The following PPTC7 variants were observed in gnomAD, a reference collection of about 807,000 sequenced individuals.
PPTC7 encodes the protein protein phosphatase PTC7 homolog.
In PPTC7, 6 loss-of-function variants were observed where a neutral mutation model predicts 30.8. The ratio of observed to expected loss-of-function variants is 0.19; its 90% CI spans 0.11 to 0.38. The LOEUF is 0.38. PPTC7 is among the 10% of genes least tolerant of loss of function. The pLI is 1.00. For missense variants in PPTC7, 218 were observed against 404.8 expected, an observed-to-expected ratio of 0.54 and a Z score of 3.96; for synonymous variants, 163 against 168.1, an observed-to-expected ratio of 0.97 and a Z score of 0.23.
chr12:110,552,179 G>A (rs1593151185), intron 1 of PPTC7, among the ~76,000 whole-genome samples: 1 of 152,136 alleles, frequency 6.6e-6, no homozygotes, highest in South Asian at 2.1e-4. Flanking sequence ...TTCATATATT[G>A]ATGAATAAAC....
rs528219744 is a variant in PPTC7, at chr12:110,566,021, T to G, written c.224-14053A>C. Among the ~76,000 whole-genome samples, 36 of 152,258 alleles carry G rather than the reference T, an allele frequency of 2.4e-4. 1 individual carries two copies. In the South Asian group the frequency reaches 7.0e-3, roughly 30 times the overall value. ...CAATTCCCTAGGATTCTGACTTACATGAATAAAGTACAAGTCATAGCAGGT... is the reference window on the plus strand; with the variant it reads ...CAATTCCCTAGGATTCTGACTTACAGGAATAAAGTACAAGTCATAGCAGGT... On this transcript the variant is annotated intron_variant, in intron 1 of 5. Transcript: ENST00000354300.
chr12:110,557,147 T>C (rs1436376130), intron 1 of PPTC7, among the ~76,000 whole-genome samples: 1 of 152,246 alleles, frequency 6.6e-6, no homozygotes, highest in African/African-American at 2.4e-5. Flanking sequence ...TGGGAGCCAC[T>C]AGCCACATGT....
intron 1 of PPTC7, 100 bp downstream of exon 1, chr12:110,582,709 G>A: frequency 9.5e-7 from 1 of 1,050,256 alleles, no homozygotes; most frequent in Non-Finnish European, 1.4e-6. Context: ...TGAGCGCTCT[G>A]GCTCCTTTCG....
At chr12:110,544,547 C>A (rs1367567277) in intron 3 of PPTC7, among the ~76,000 whole-genome samples, 5 of 152,176 alleles carry the variant, frequency 3.3e-5, no homozygotes, top group Non-Finnish European at 7.4e-5. Flanking sequence ...AAAAAAAGCA[C>A]CATTTTGGCT....
At chr12:110,555,067 A>G (rs999735638) in intron 1 of PPTC7, among the ~76,000 whole-genome samples, 4 of 152,218 alleles carry the variant, frequency 2.6e-5, no homozygotes, top group Non-Finnish European at 5.9e-5. Context: ...TGTATTTGGT[A>G]CAAAAGTAGC....
At chr12:110,541,770 CTG>C (rs915015991) in intron 3 of PPTC7, among the ~76,000 whole-genome samples, 5 of 151,524 alleles carry the variant, frequency 3.3e-5, no homozygotes, top group African/African-American at 7.3e-5. Flanking sequence ...AGTAAGGACT[CTG>C]TGTCTCCCAA....
chr12:110,537,573 G>C (rs1388837955), intron 5 of PPTC7, among the ~76,000 whole-genome samples: 1 of 152,166 alleles, frequency 6.6e-6, no homozygotes, highest in Non-Finnish European at 1.5e-5. Context: ...ATACCAACAA[G>C]AAACTAATTC....
chr12:110,574,176 T>TAAAAAAAAAAAAAAAAAAAAAAAA (rs1167486526), intron 1 of PPTC7, among the ~76,000 whole-genome samples: 1 of 89,426 alleles, frequency 1.1e-5, no homozygotes, highest in African/African-American at 4.0e-5. Context: ...AAAAAAAAAT[T>TAAAAAAAAAAAAAAAAAAAAAAAA]AAAAGCATTA....
In PPTC7 at chr12:110,536,029, A is replaced by T. The variant is rs2064216078; in HGVS notation, c.*1008T>A. ...CACATGGACTCACTGGATTTGGTGC[A>T]TGCTCTATAGAAAGCAAGGCTACTA... On this transcript the variant is annotated 3_prime_UTR_variant, in exon 6 of 6. Transcript: ENST00000354300. 1 of 152,526 alleles carries T rather than the reference A, an allele frequency of 6.6e-6. No homozygotes were observed. The highest frequency in any genetic ancestry group is 2.4e-5 in the African/African-American group (1 of 41,470). 9.4% of individuals were successfully genotyped at this position (152,526 alleles called of 1,614,324 possible).
intron 1 of PPTC7, among the ~76,000 whole-genome samples, chr12:110,574,141 TAAAAAAAAAAAAAAAA>T (rs58133391): frequency 1.0e-3 from 39 of 37,454 alleles, no homozygotes; most frequent in Non-Finnish European, 1.5e-3. Context: ...CCACAATAAT[TAAAAAAAAAAAAAAAA>T]AAAAAAAAAA....
intron 2 of PPTC7, among the ~76,000 whole-genome samples, chr12:110,548,311 T>C (rs1227944003): frequency 1.3e-5 from 2 of 152,224 alleles, no homozygotes; most frequent in Non-Finnish European, 2.9e-5. Context: ...ATTAATTTTG[T>C]CCTAACAAAG....
rs538792346 is a variant in PPTC7 at position 110,576,838 on chromosome 12, C to T, written c.223+5971G>A. On this transcript the variant is annotated intron_variant, in intron 1 of 5. Transcript: ENST00000354300. ...ACTGTACACTTTAAAAGGATACATG[C>T]TATGGAATGTGAATTATACATATCA... Among the ~76,000 whole-genome samples the T allele has an allele frequency of 1.1e-3, 166 of 152,224 alleles. 1 individual carries two copies. The South Asian group carries it at 0.012, about 11-fold the overall frequency.
rs1479012061 is a variant in PPTC7 at position 110,535,984 on chromosome 12, T to C, written c.*1053A>G. On this transcript the variant is annotated 3_prime_UTR_variant, in exon 6 of 6. Coordinates refer to ENST00000354300, the MANE Select transcript of PPTC7 (RefSeq NM_139283.2). Reference sequence around the variant, plus strand: ...TCATGGACGTCTGTGCTGCTGCCGCTGCGCACACAGTGCTCTCTCCACATG... The same window carrying C: ...TCATGGACGTCTGTGCTGCTGCCGCCGCGCACACAGTGCTCTCTCCACATG... 1 of 152,634 alleles carries C rather than the reference T, an allele frequency of 6.6e-6. No homozygotes were observed. The highest frequency in any genetic ancestry group is 6.5e-5 in the Admixed American group (1 of 15,292). 9.5% of individuals were successfully genotyped at this position (152,634 alleles called of 1,614,324 possible).
intron 1 of PPTC7, among the ~76,000 whole-genome samples, chr12:110,558,462 TC>T (rs2135779222): frequency 6.6e-6 from 1 of 152,366 alleles, no homozygotes; most frequent in African/African-American, 2.4e-5. Flanking sequence ...ATCTTATGTC[TC>T]CATTAATAAC....
At chr12:110,582,242 T>C (rs1015041213) in intron 1 of PPTC7, among the ~76,000 whole-genome samples, 1 of 152,204 alleles carries the variant, frequency 6.6e-6, no homozygotes, top group African/African-American at 2.4e-5. Flanking sequence ...TGAGGGTTTT[T>C]TCGCCAAGCC....
At chr12:110,538,069 C>T in intron 5 of PPTC7, 75 bp downstream of exon 5, 3 of 1,526,528 alleles carry the variant, frequency 2.0e-6, no homozygotes, top group Non-Finnish European at 8.9e-7. Flanking sequence ...CAGTCTCACC[C>T]AGAGCCCAGA....
rs558194600 is a variant in PPTC7 at position 110,582,789 on chromosome 12, G to A, written c.223+20C>T. 5.2e-6 allele frequency: 8 copies of A among 1,538,586 alleles called. No homozygotes were observed. Among genetic ancestry groups the A allele is most frequent in the South Asian group, 4.8e-5 (4 of 83,278 alleles). ...AGGCGGATCCGAGGCTGGGGCAAGG[G>A]AACCGGGTCGGGGACTCACCGAGCA... On this transcript the variant is annotated intron_variant, in intron 1 of 5. Transcript: ENST00000354300.
In PPTC7 at chr12:110,535,987, GCA is replaced by G. The variant is rs1193122730; in HGVS notation, c.*1048_*1049del. 1 of 152,544 alleles carries G rather than the reference GCA, an allele frequency of 6.6e-6. No individual in the cohort carries two copies. Among genetic ancestry groups the G allele is most frequent in the East Asian group, 1.9e-4 (1 of 5,200 alleles). The allele number at this position is 152,544 out of a possible 1,614,324, so 9.4% of individuals were successfully genotyped here. Reference sequence around the variant, plus strand: ...TGGACGTCTGTGCTGCTGCCGCTGCGCACACAGTGCTCTCTCCACATGGACTC... The same window carrying G: ...TGGACGTCTGTGCTGCTGCCGCTGCGCACAGTGCTCTCTCCACATGGACTC... On this transcript the variant is annotated 3_prime_UTR_variant, in exon 6 of 6. Coordinates refer to ENST00000354300, the MANE Select transcript of PPTC7 (RefSeq NM_139283.2).
rs137937061 is a variant in PPTC7, at chr12:110,564,081, G to A, written c.224-12113C>T. Among the ~76,000 whole-genome samples the A allele has an allele frequency of 4.5e-3, 686 of 152,320 alleles. 3 individuals carry two copies. The highest frequency in any genetic ancestry group is 0.01 in the Admixed American group (157 of 15,308). On this transcript the variant is annotated intron_variant, in intron 1 of 5. Transcript: ENST00000354300. The stretch of plus-strand genomic sequence containing the variant: ...AATTACAAACTTGGTATGAATCACT[G>A]GTCTGCCTTCCACAAACTGCAGAGT...
Sources: allele counts gnomAD v4.1 joint callset (sites outside exome capture counted in the v4.1 genomes callset), GRCh38; gene constraint gnomAD v4.1.1; transcripts MANE v1.5; gene names NCBI Gene and HGNC (gene_info 2026-07-23, HGNC 2026-07-21).